Variants in ARHGAP10 observed in about 807,000 individuals in gnomAD.
ARHGAP10 encodes the protein Rho GTPase activating protein 10, also known as rho GTPase-activating protein 10.
A neutral mutation model predicts 108.6 loss-of-function variants in ARHGAP10; 87 were observed. The observed-to-expected ratio is 0.80, with a 90% CI of 0.67 to 0.96. The LOEUF (loss-of-function observed/expected upper bound fraction) is 0.96, where lower values mean the gene tolerates loss of function less well. Ranked by LOEUF, ARHGAP10 falls within the 40% of genes least tolerant of loss-of-function variation. ARHGAP10 has a pLI of 0.00. For synonymous variants in ARHGAP10, 347 were observed against 341.1 expected (o/e 1.02, Z -0.19); for missense variants, 939 against 954.5 (o/e 0.98, Z 0.21).
chr4:147,866,692 C>T lies in ARHGAP10; in HGVS notation c.598-20C>T, dbSNP rs1402898324. 1 of 1,578,544 alleles carries T rather than the reference C, an allele frequency of 6.3e-7. No homozygotes were observed. The highest frequency in any genetic ancestry group is 1.4e-5 in the African/African-American group (1 of 73,562). ...CCTGAGTTTTTTTGTGCTAATATCTCTTTTCTTCCTGTGTCTTAGATGCTG... is the reference window on the plus strand; with the variant it reads ...CCTGAGTTTTTTTGTGCTAATATCTTTTTTCTTCCTGTGTCTTAGATGCTG... On this transcript the variant is annotated intron_variant, in intron 6 of 22. Coordinates refer to ENST00000336498, the MANE Select transcript of ARHGAP10 (RefSeq NM_024605.4).
At chr4:147,893,982 G>T (rs1735892082) in intron 10 of ARHGAP10, among the ~76,000 whole-genome samples, 1 of 152,130 alleles carries the variant, frequency 6.6e-6, no homozygotes, top group Admixed American at 6.5e-5. Flanking sequence ...AATCTGAATT[G>T]ACATTAATAT....
chr4:148,066,956 T>TG (rs1054720543), intron 22 of ARHGAP10, among the ~76,000 whole-genome samples: 6 of 152,184 alleles, frequency 3.9e-5, no homozygotes, highest in African/African-American at 1.4e-4. Context: ...GTGTCTCCCT[T>TG]GGTTCTGTGC....
chr4:147,905,909 T>C (rs1391843138), intron 10 of ARHGAP10, among the ~76,000 whole-genome samples: 1 of 152,228 alleles, frequency 6.6e-6, no homozygotes, highest in African/African-American at 2.4e-5. Context: ...TTTCTTTCAT[T>C]GAGCAGTGGT....
At chr4:147,928,353 C>T (rs565924207) in intron 13 of ARHGAP10, among the ~76,000 whole-genome samples, 88 of 152,320 alleles carry the variant, frequency 5.8e-4, no homozygotes, top group African/African-American at 2.1e-3. Context: ...CACAGCCACC[C>T]TTACGTGCCA....
chr4:148,029,767 C>T (rs1419347343), intron 19 of ARHGAP10, among the ~76,000 whole-genome samples: 3 of 152,132 alleles, frequency 2.0e-5, no homozygotes, highest in Non-Finnish European at 2.9e-5. Flanking sequence ...GATTCCTTGA[C>T]ATGGAATTAC....
rs145720035 is a variant in ARHGAP10 at position 147,866,779 on chromosome 4, A to T, written c.665A>T (p.Asn222Ile). The T allele has an allele frequency of 6.2e-7, 1 of 1,613,658 alleles. No homozygotes were observed. The highest frequency in any genetic ancestry group is 8.5e-7 in the Non-Finnish European group (1 of 1,179,680). The change falls in exon 7 of 23, where the codon AAT becomes ATT. Residue 222 changes from asparagine to isoleucine, a missense_variant. Physicochemically the swap from Asn to Ile is moderately radical, Grantham distance 149. Coordinates refer to ENST00000336498, the MANE Select transcript of ARHGAP10 (RefSeq NM_024605.4). ...HQGHELAKDF[N>I]HYKMELQINI... ...GGCCATGAACTTGCCAAAGACTTCA[A>T]TCACTACAAAATGGAACTACAGATC...
At chr4:147,784,783 TATAAA>T (rs1730785025) in intron 1 of ARHGAP10, among the ~76,000 whole-genome samples, 1 of 45,678 alleles carries the variant, frequency 2.2e-5, no homozygotes, top group Middle Eastern at 0.024. Context: ...TATAATATAT[TATAAA>T]ATATATATTA....
chr4:147,788,252 C>A (rs551756901), intron 1 of ARHGAP10, among the ~76,000 whole-genome samples: 15 of 152,138 alleles, frequency 9.9e-5, no homozygotes, highest in African/African-American at 3.4e-4. Context: ...TGAGACCAGC[C>A]TGACCAACAT....
At chr4:147,854,564 G>A (rs756776901) in intron 4 of ARHGAP10, 3 of 306,420 alleles carry the variant, frequency 9.8e-6, no homozygotes, top group African/African-American at 2.3e-5. Context: ...TTTGGATTAC[G>A]CTGTTACATT....
intron 14 of ARHGAP10, among the ~76,000 whole-genome samples, chr4:147,945,834 G>A (rs2126969866): frequency 6.6e-6 from 1 of 152,184 alleles, no homozygotes; most frequent in East Asian, 1.9e-4. Context: ...AGTGAAGGGT[G>A]AGGAGAGTGG....
chr4:147,879,823 A>G (rs900523544), intron 9 of ARHGAP10, among the ~76,000 whole-genome samples: 3 of 152,202 alleles, frequency 2.0e-5, no homozygotes, highest in East Asian at 1.9e-4. Context: ...TAGGTGAACA[A>G]TAGAATCCTT....
chr4:147,863,709 A>G (rs1386421626), intron 5 of ARHGAP10: 2 of 152,162 alleles, frequency 1.3e-5, no homozygotes, highest in African/African-American at 2.4e-5. Flanking sequence ...TGGCTGAACT[A>G]TTGAATTCTG....
At chr4:147,925,207 A>G (rs1198696762) in intron 13 of ARHGAP10, among the ~76,000 whole-genome samples, 2 of 152,270 alleles carry the variant, frequency 1.3e-5, no homozygotes, top group Middle Eastern at 3.4e-3. Context: ...TTTTCCTCAG[A>G]AGCCAAACAA....
chr4:147,753,835 T>A (rs761248870), intron 1 of ARHGAP10, among the ~76,000 whole-genome samples: 4 of 152,230 alleles, frequency 2.6e-5, no homozygotes, highest in Non-Finnish European at 5.9e-5. Context: ...GTATTGAGGC[T>A]GCACCGTTTA....
At chr4:147,880,142 G>T (rs1735267744) in intron 9 of ARHGAP10, among the ~76,000 whole-genome samples, 1 of 152,194 alleles carries the variant, frequency 6.6e-6, no homozygotes, top group Non-Finnish European at 1.5e-5. Flanking sequence ...AATGGAATCT[G>T]CAGCTTATTA....
chr4:148,021,961 A>T (rs181586736), intron 18 of ARHGAP10, among the ~76,000 whole-genome samples: 102 of 152,332 alleles, frequency 6.7e-4, no homozygotes, highest in Non-Finnish European at 1.3e-3. Flanking sequence ...TCTTTGAAGT[A>T]GCTTATTTTT....
chr4:148,016,087 C>G (rs1294064920), intron 18 of ARHGAP10, among the ~76,000 whole-genome samples: 1 of 152,142 alleles, frequency 6.6e-6, no homozygotes, highest in Non-Finnish European at 1.5e-5. Flanking sequence ...GGCATAATGT[C>G]AGGCATGTGG....
chr4:148,061,237 G>A (rs890126266), intron 20 of ARHGAP10, among the ~76,000 whole-genome samples: 30 of 152,128 alleles, frequency 2.0e-4, no homozygotes, highest in African/African-American at 7.0e-4. Context: ...TCTAGGCAGA[G>A]GGATGGCAGT....
intron 20 of ARHGAP10, among the ~76,000 whole-genome samples, chr4:148,061,618 T>A (rs963707066): frequency 6.6e-6 from 1 of 152,166 alleles, no homozygotes; most frequent in Non-Finnish European, 1.5e-5. Flanking sequence ...ATAATGTTTT[T>A]TTTTTTTAAA....
Sources: allele counts gnomAD v4.1 joint callset (sites outside exome capture counted in the v4.1 genomes callset), GRCh38; gene constraint gnomAD v4.1.1; transcripts MANE v1.5; gene names NCBI Gene and HGNC (gene_info 2026-07-23, HGNC 2026-07-21).